Variants in PCDHA7 observed in about 807,000 individuals in gnomAD.
PCDHA7 encodes the protein protocadherin alpha 7.
A neutral mutation model predicts 57.2 loss-of-function variants in PCDHA7; 37 were observed. That is an observed-to-expected ratio of 0.65 (90% CI 0.50 to 0.85). The LOEUF is 0.85. PCDHA7 is among the 40% of genes least tolerant of loss of function. The pLI is 0.00. For missense variants in PCDHA7, 1,188 were observed against 1,241.8 expected, an observed-to-expected ratio of 0.96 and a Z score of 0.65; for synonymous variants, 553 against 558.8, an observed-to-expected ratio of 0.99 and a Z score of 0.15.
At chr5:140,880,791 A>G (rs950375774) in intron 1 of PCDHA7, among the ~76,000 whole-genome samples, 4 of 152,242 alleles carry the variant, frequency 2.6e-5, no homozygotes, top group Non-Finnish European at 4.4e-5. Context: ...GAGGAGTAAT[A>G]TAAATAGGTG....
At chr5:140,861,303 GA>G in intron 1 of PCDHA7, 1 of 189,594 alleles carries the variant, frequency 5.3e-6, no homozygotes. Context: ...TGTGAAGCGG[GA>G]AAGGACCAGT....
In PCDHA7 at chr5:140,835,338, C is replaced by T. The variant is rs2150234126; in HGVS notation, c.955C>T (p.Pro319Ser). The T allele has an allele frequency of 1.4e-5, 22 of 1,613,678 alleles. No individual in the cohort carries two copies. The South Asian group carries it at 2.2e-4, about 16-fold the overall frequency. ...TGAAGAAAGTAGAGCACACAAGATCCCAGTCGAGGCTGTCGATAAAGGCTT... is the reference window on the plus strand; with the variant it reads ...TGAAGAAAGTAGAGCACACAAGATCTCAGTCGAGGCTGTCGATAAAGGCTT... ...DFEESRAHKI[P>S]VEAVDKGFPP... The change falls in exon 1 of 4, where the codon CCA becomes TCA. Residue 319 changes from proline (P) to serine (S), a missense_variant. Transcript: ENST00000525929.
intron 1 of PCDHA7, among the ~76,000 whole-genome samples, chr5:140,950,402 G>A (rs1459486068): frequency 6.6e-6 from 1 of 151,846 alleles, no homozygotes; most frequent in African/African-American, 2.4e-5. Context: ...AATTCTGGGG[G>A]ATTGACAGAT....
rs2042367518 is a variant in PCDHA7 at position 140,852,542 on chromosome 5, C to T, written c.2355+15804C>T. Reference sequence around the variant, plus strand: ...GCTCCCACCTCGGCCTCCCAAAGTGCTGGGATTAAAGCTGTGAGCCACTGT... The same window carrying T: ...GCTCCCACCTCGGCCTCCCAAAGTGTTGGGATTAAAGCTGTGAGCCACTGT... On this transcript the variant is annotated intron_variant, in intron 1 of 3. Transcript: ENST00000525929. 35 of 557,808 alleles carry T rather than the reference C, an allele frequency of 6.3e-5. 3 individuals are homozygous for T. The highest frequency in any genetic ancestry group is 8.0e-5 in the Non-Finnish European group (34 of 426,308). 34.6% of individuals were successfully genotyped at this position (557,808 alleles called of 1,614,324 possible).
At chr5:140,971,807 T>C in intron 1 of PCDHA7, among the ~76,000 whole-genome samples, 1 of 152,270 alleles carries the variant, frequency 6.6e-6, no homozygotes, top group Middle Eastern at 3.4e-3. Context: ...TATTATAATA[T>C]TGAATACATA....
chr5:141,002,941 C>G (rs964416301), intron 3 of PCDHA7, among the ~76,000 whole-genome samples: 18 of 152,216 alleles, frequency 1.2e-4, no homozygotes, highest in African/African-American at 4.1e-4. Flanking sequence ...CACCCTCCAG[C>G]ACATGCCCCT....
At chr5:140,986,085 TCA>T (rs1395722991) in intron 3 of PCDHA7, among the ~76,000 whole-genome samples, 1 of 152,182 alleles carries the variant, frequency 6.6e-6, no homozygotes, top group Non-Finnish European at 1.5e-5. Context: ...TCATTTATTT[TCA>T]CAGTCTGCAA....
In PCDHA7 at chr5:140,843,632, G is replaced by A. The variant is rs2150363931; in HGVS notation, c.2355+6894G>A. 5 of 1,595,852 alleles carry A rather than the reference G, an allele frequency of 3.1e-6. No homozygotes were observed. In the African/African-American group the frequency reaches 4.0e-5, roughly 13 times the overall value. ...GGGGCCACCGAAGACGGACCTCATG[G>A]CCTTCAGCCCCTGCCTTCCTCCTGA... On this transcript the variant is annotated intron_variant, in intron 1 of 3. Transcript: ENST00000525929.
rs545349225 is a variant in PCDHA7, at chr5:140,969,608, C to T, written c.2356-9341C>T. On this transcript the variant is annotated intron_variant, in intron 1 of 3. Coordinates refer to ENST00000525929, the MANE Select transcript of PCDHA7 (RefSeq NM_018910.3). ...AGTCTTAATATTTAATGCTAAAACA[C>T]AGATTTGTAGAGAAACAGGACAGGC... 646 of 747,324 alleles carry T rather than the reference C, an allele frequency of 8.6e-4. 1 individual carries two copies. Among genetic ancestry groups the T allele is most frequent in the Middle Eastern group, 3.2e-3 (8 of 2,532 alleles). The allele number at this position is 747,324 out of a possible 1,614,324, so 46.3% of individuals were successfully genotyped here. A position where few individuals can be genotyped will look rare whatever the true frequency, so the allele number is the denominator to read the frequency against.
intron 1 of PCDHA7, chr5:140,969,232 C>A (rs138367129): frequency 1.9e-4 from 314 of 1,614,066 alleles, no homozygotes; most frequent in Non-Finnish European, 2.5e-4. Flanking sequence ...CTTCGGGAGC[C>A]CAAGCAGCAG....
At chr5:140,954,149 G>A (rs1301810560) in intron 1 of PCDHA7, among the ~76,000 whole-genome samples, 2 of 152,204 alleles carry the variant, frequency 1.3e-5, no homozygotes, top group Non-Finnish European at 2.9e-5. Flanking sequence ...ATTCCATGGT[G>A]TATATGTACC....
At chr5:140,971,435 T>A (rs1188604248) in intron 1 of PCDHA7, among the ~76,000 whole-genome samples, 1 of 152,190 alleles carries the variant, frequency 6.6e-6, no homozygotes, top group Non-Finnish European at 1.5e-5. Flanking sequence ...AACCCCAAGA[T>A]CTACAGCTCC....
intron 1 of PCDHA7, among the ~76,000 whole-genome samples, chr5:140,885,025 T>A (rs2060432297): frequency 6.6e-6 from 1 of 152,228 alleles, no homozygotes; most frequent in Non-Finnish European, 1.5e-5. Context: ...ATCTTAAATT[T>A]AAAAAATTTT....
chr5:140,872,867 A>G (rs549673745), intron 1 of PCDHA7, among the ~76,000 whole-genome samples: 37 of 152,332 alleles, frequency 2.4e-4, no homozygotes, highest in African/African-American at 8.7e-4. Flanking sequence ...CCTACTGACA[A>G]TTATCAGTTT....
Position 140,841,187 on chromosome 5 carries a change from CTT to C in PCDHA7, c.2355+4452_2355+4453del, listed in dbSNP as rs1212743736. On this transcript the variant is annotated intron_variant, in intron 1 of 3. Transcript: ENST00000525929. The stretch of plus-strand genomic sequence containing the variant: ...GTTCTGGTTGGTCAATGTTCAAAGT[CTT>C]TTCTCTGACAGCATCTGTCTCTAAA... 46 of 1,214,448 alleles carry C rather than the reference CTT, an allele frequency of 3.8e-5. 1 individual carries two copies. The Admixed American group carries it at 6.8e-4, about 18-fold the overall frequency. 75.2% of individuals were successfully genotyped at this position (1,214,448 alleles called of 1,614,324 possible).
At chr5:140,853,065 G>A in intron 1 of PCDHA7, 1 of 280,750 alleles carries the variant, frequency 3.6e-6, no homozygotes, top group Non-Finnish European at 5.5e-6. Context: ...ATTTTTAGTA[G>A]AGATGGGGTT....
rs781893809 is a variant in PCDHA7 at position 140,883,492 on chromosome 5, G to T, written c.2355+46754G>T. On this transcript the variant is annotated intron_variant, in intron 1 of 3. Transcript: ENST00000525929. ...CCTACAAGAACTACTACTCATTAGT[G>T]CTGGACAGCGCCCTGGACCGCGAGA... The T allele has an allele frequency of 4.3e-5, 69 of 1,614,058 alleles. 1 individual carries two copies. In the South Asian group the frequency reaches 7.5e-4, roughly 17 times the overall value.
intron 2 of PCDHA7, among the ~76,000 whole-genome samples, chr5:140,981,337 G>A (rs2096927522): frequency 6.6e-6 from 1 of 152,146 alleles, no homozygotes; most frequent in African/African-American, 2.4e-5. Context: ...ACTTTGGGAG[G>A]GTGAGGCAGG....
intron 1 of PCDHA7, among the ~76,000 whole-genome samples, chr5:140,844,413 A>C (rs1581068328): frequency 6.7e-6 from 1 of 149,462 alleles, no homozygotes; most frequent in South Asian, 2.1e-4. Flanking sequence ...ATTTGGAGAC[A>C]TGTTTTTTAT....
Sources: allele counts gnomAD v4.1 joint callset (sites outside exome capture counted in the v4.1 genomes callset), GRCh38; gene constraint gnomAD v4.1.1; transcripts MANE v1.5; gene names NCBI Gene and HGNC (gene_info 2026-07-23, HGNC 2026-07-21).